LHFPL2: variants seen among roughly 807,000 people sequenced by gnomAD.
LHFPL2 encodes LHFPL tetraspan subfamily member 2, also known as LHFPL tetraspan subfamily member 2 protein.
In LHFPL2, 7 loss-of-function variants were observed where a neutral mutation model predicts 17.5. That is an observed-to-expected ratio of 0.40 (90% CI 0.23 to 0.75). The LOEUF (loss-of-function observed/expected upper bound fraction) is 0.75, where lower values mean the gene tolerates loss of function less well. Among genes scored for constraint, LHFPL2 ranks in the 30% least tolerant of loss-of-function variants. The pLI, the probability that LHFPL2 is intolerant of heterozygous loss-of-function variation, is 0.37. For synonymous variants in LHFPL2, 134 were observed against 116.2 expected (o/e 1.15, Z -0.99); for missense variants, 241 against 294.8 (o/e 0.82, Z 1.34).
chr5:78,626,004 T>C (rs1325193209), intron 2 of LHFPL2: 1 of 152,238 alleles, frequency 6.6e-6, no homozygotes, highest in Non-Finnish European at 1.5e-5. Flanking sequence ...TATAGACATA[T>C]AGGTCGGGTT....
chr5:78,648,093 G>A lies in LHFPL2; in HGVS notation c.-350+406C>T, dbSNP rs1256108815. Among the ~76,000 whole-genome samples the A allele has an allele frequency of 6.6e-6, 1 of 152,158 alleles. No individual in the cohort carries two copies. The highest frequency in any genetic ancestry group is 1.9e-4 in the East Asian group (1 of 5,174). ...GGGCGACCACGGGGCGGCCCCCAGG[G>A]AGCGGTGCCAGGCGCGCTGGAACCC... On this transcript the variant is annotated intron_variant, in intron 1 of 4. Transcript: ENST00000380345. This position sits in a 1 kb window ranked among gnomAD's most constrained non-coding sequence, Gnocchi z 5.4.
At chr5:78,503,558 C>T (rs1754837891) in intron 4 of LHFPL2, among the ~76,000 whole-genome samples, 1 of 152,118 alleles carries the variant, frequency 6.6e-6, no homozygotes, top group Non-Finnish European at 1.5e-5. Flanking sequence ...ATTAGCCAGG[C>T]ATAGTGGCAG....
At chr5:78,595,545 C>A (rs1235056706) in intron 2 of LHFPL2, among the ~76,000 whole-genome samples, 1 of 152,190 alleles carries the variant, frequency 6.6e-6, no homozygotes, top group African/African-American at 2.4e-5. Flanking sequence ...CAGGGTCTCA[C>A]TCTGTCACCC....
chr5:78,630,582 T>C (rs1356192735), intron 2 of LHFPL2, among the ~76,000 whole-genome samples: 1 of 151,862 alleles, frequency 6.6e-6, no homozygotes, highest in Non-Finnish European at 1.5e-5. Flanking sequence ...TACTGCCTTG[T>C]CTTTCATTCA....
chr5:78,579,662 G>A (rs1198913188), intron 2 of LHFPL2, among the ~76,000 whole-genome samples: 1 of 152,114 alleles, frequency 6.6e-6, no homozygotes, highest in Non-Finnish European at 1.5e-5. Context: ...TCCCTACAAA[G>A]GACATGAACT....
chr5:78,577,554 T>C (rs1757163750), intron 2 of LHFPL2, among the ~76,000 whole-genome samples: 1 of 152,142 alleles, frequency 6.6e-6, no homozygotes, highest in African/African-American at 2.4e-5. Context: ...GACCAAGAAC[T>C]AGGCTATCTG....
Position 78,486,262 on chromosome 5 carries a change from A to G in LHFPL2, c.*2635T>C, listed in dbSNP as rs1413656449. The G allele has an allele frequency of 6.6e-6, 1 of 152,514 alleles. No homozygotes were observed. Among genetic ancestry groups the G allele is most frequent in the African/African-American group, 2.4e-5 (1 of 41,464 alleles). 9.4% of individuals were successfully genotyped at this position (152,514 alleles called of 1,614,324 possible). A position where few individuals can be genotyped will look rare whatever the true frequency, so the allele number is the denominator to read the frequency against. On this transcript the variant is annotated 3_prime_UTR_variant, in exon 5 of 5. Transcript: ENST00000380345. Reference sequence around the variant, plus strand: ...CAGGTTTAAAGAATCCACAGAATCCAAGGCAAATATTTCTGCCTCAGAGTT... The same window carrying G: ...CAGGTTTAAAGAATCCACAGAATCCGAGGCAAATATTTCTGCCTCAGAGTT...
At chr5:78,490,132 C>G (rs1754389740) in intron 4 of LHFPL2, among the ~76,000 whole-genome samples, 1 of 152,244 alleles carries the variant, frequency 6.6e-6, no homozygotes, top group African/African-American at 2.4e-5. Flanking sequence ...ATAAGCTTTA[C>G]TTCCATTTTG....
chr5:78,529,798 A>G (rs578006614), intron 3 of LHFPL2, among the ~76,000 whole-genome samples: 1 of 152,380 alleles, frequency 6.6e-6, no homozygotes, highest in Admixed American at 6.5e-5. Context: ...AAATTTGTGC[A>G]ATGCAAGAAT....
chr5:78,542,998 C>T (rs1025002071), intron 3 of LHFPL2, among the ~76,000 whole-genome samples: 2 of 152,174 alleles, frequency 1.3e-5, no homozygotes, highest in Admixed American at 6.5e-5. Flanking sequence ...AAAAATCGAG[C>T]TGCAAGCAAA....
chr5:78,534,825 TC>T (rs1427009324), intron 3 of LHFPL2, among the ~76,000 whole-genome samples: 1 of 152,152 alleles, frequency 6.6e-6, no homozygotes, highest in Admixed American at 6.5e-5. Flanking sequence ...CTGGCAAAAC[TC>T]CCCGGACCTG....
At chr5:78,548,053 C>G (rs6886783) in intron 3 of LHFPL2, among the ~76,000 whole-genome samples, 12 of 152,254 alleles carry the variant, frequency 7.9e-5, no homozygotes, top group East Asian at 5.8e-4. Flanking sequence ...CAGGCCGAGA[C>G]GGAGGAAGAG....
rs1241273644 is a variant in LHFPL2 at position 78,487,618 on chromosome 5, TATTGGTA to T, written c.*1272_*1278del. 1 of 152,334 alleles carries T rather than the reference TATTGGTA, an allele frequency of 6.6e-6. No homozygotes were observed. The highest frequency in any genetic ancestry group is 2.1e-4 in the South Asian group (1 of 4,830). 9.4% of individuals were successfully genotyped at this position (152,334 alleles called of 1,614,324 possible). The stretch of plus-strand genomic sequence containing the variant: ...AGATACTATCTTCCTGAATCAGTGA[TATTGGTA>T]ATTTATGGAAAGTAGATTAAAAACC... On this transcript the variant is annotated 3_prime_UTR_variant, in exon 5 of 5. Transcript: ENST00000380345.
chr5:78,639,091 T>C (rs1172306182), intron 1 of LHFPL2, among the ~76,000 whole-genome samples: 1 of 152,194 alleles, frequency 6.6e-6, no homozygotes, highest in African/African-American at 2.4e-5. Context: ...CTAACATGGC[T>C]GGTCAGACTA....
chr5:78,622,679 G>A (rs1373818821), intron 2 of LHFPL2, among the ~76,000 whole-genome samples: 1 of 152,154 alleles, frequency 6.6e-6, no homozygotes, highest in Non-Finnish European at 1.5e-5. Flanking sequence ...TCTCTCTAAT[G>A]TTTCTTAACT....
chr5:78,520,127 A>G (rs1340344673), intron 3 of LHFPL2, among the ~76,000 whole-genome samples: 2 of 152,192 alleles, frequency 1.3e-5, no homozygotes, highest in Non-Finnish European at 2.9e-5. Context: ...GTAGGTACCA[A>G]GACATAGTAG....
rs111741961 is a variant in LHFPL2 at position 78,488,778 on chromosome 5, C to A, written c.*119G>T. 5.9e-6 allele frequency: 7 copies of A among 1,183,684 alleles called. No individual in the cohort carries two copies. Among genetic ancestry groups the A allele is most frequent in the Non-Finnish European group, 8.5e-6 (7 of 827,364 alleles). The allele number at this position is 1,183,684 out of a possible 1,614,324, so 73.3% of individuals were successfully genotyped here. A position where few individuals can be genotyped will look rare whatever the true frequency, so the allele number is the denominator to read the frequency against. ...CCTCTCATTGGTCCTGTTTAAGCCT[C>A]GGGCCGTGGAACGTGGCTTTGGTAG... On this transcript the variant is annotated 3_prime_UTR_variant, in exon 5 of 5. Transcript: ENST00000380345.
At chr5:78,644,572 T>C (rs1020782115) in intron 1 of LHFPL2, 26 of 494,868 alleles carry the variant, frequency 5.3e-5, no homozygotes, top group Non-Finnish European at 6.3e-5. Flanking sequence ...CTTGGGTACA[T>C]TGGGATCCTC....
At chr5:78,490,338 A>G (rs1580737770) in intron 4 of LHFPL2, among the ~76,000 whole-genome samples, 1 of 152,100 alleles carries the variant, frequency 6.6e-6, no homozygotes, top group Admixed American at 6.5e-5. Flanking sequence ...TGGGTGCCTC[A>G]CCCTGGCTGC....
Sources: allele counts gnomAD v4.1 joint callset (sites outside exome capture counted in the v4.1 genomes callset), GRCh38; gene constraint gnomAD v4.1.1; non-coding constraint Gnocchi (gnomAD v3.1); transcripts MANE v1.5; gene names NCBI Gene and HGNC (gene_info 2026-07-23, HGNC 2026-07-21).